The following MAU2 variants were observed in gnomAD, a reference collection of about 807,000 sequenced individuals.
The protein encoded by MAU2 is MAU2 chromatid cohesion factor homolog.
In MAU2, 9 loss-of-function variants were observed where a neutral mutation model predicts 89.1. The ratio of observed to expected loss-of-function variants is 0.10; its 90% CI spans 0.06 to 0.18. The LOEUF is 0.18. Ranked by LOEUF, MAU2 falls within the 10% of genes least tolerant of loss-of-function variation. The pLI is 1.00. For missense variants in MAU2, 425 were observed against 803.5 expected (o/e 0.53, Z 5.69); for synonymous variants, 357 against 343.4 (o/e 1.04, Z -0.44).
rs1039198972 is a variant in MAU2, at chr19:19,320,885, C to T, written c.26C>T (p.Ala9Val). The change falls in exon 1 of 19, where the codon GCC becomes GTC. Residue 9 changes from alanine to valine, a missense_variant. Coordinates refer to ENST00000262815, the MANE Select transcript of MAU2 (RefSeq NM_015329.4). MAAQAAAA[A>V]QAAAAQAAQA... ...ATGGCGGCTCAGGCGGCGGCAGCGG[C>T]CCAGGCGGCGGCGGCCCAGGCTGCG... 7.4e-6 allele frequency: 11 copies of T among 1,483,184 alleles called. No individual in the cohort carries two copies. The highest frequency in any genetic ancestry group is 2.9e-5 in the African/African-American group (2 of 69,960). The allele number at this position is 1,483,184 out of a possible 1,614,324, so 91.9% of individuals were successfully genotyped here. A position where few individuals can be genotyped will look rare whatever the true frequency, so the allele number is the denominator to read the frequency against.
intron 12 of MAU2, among the ~76,000 whole-genome samples, chr19:19,346,564 C>T (rs1413675371): frequency 2.0e-5 from 3 of 152,124 alleles, no homozygotes; most frequent in Non-Finnish European, 2.9e-5. Flanking sequence ...GTGCTTGATT[C>T]GGAAGATCCT....
chr19:19,344,480 TG>T (rs2061678127), intron 10 of MAU2: 2 of 321,578 alleles, frequency 6.2e-6, no homozygotes, highest in South Asian at 9.5e-5. Context: ...ATAGCGCACA[TG>T]GTCTCTGGGG....
At chr19:19,321,826 G>A (rs2061460378) in intron 1 of MAU2, 1 of 151,968 alleles carries the variant, frequency 6.6e-6, no homozygotes, top group Non-Finnish European at 1.5e-5. Context: ...CAGTATTAGG[G>A]GAACTAAAAG....
At chr19:19,347,079 G>A (rs1385261757) in intron 12 of MAU2, 8 of 555,732 alleles carry the variant, frequency 1.4e-5, no homozygotes, top group East Asian at 9.1e-5. Flanking sequence ...TAACTGCCCC[G>A]TAACGCAGAT....
rs1229741506 is a variant in MAU2 at position 19,345,219 on chromosome 19, G to A, written c.1156-85G>A. 24 of 1,234,512 alleles carry A rather than the reference G, an allele frequency of 1.9e-5. No individual in the cohort carries two copies. Among genetic ancestry groups the A allele is most frequent in the African/African-American group, 1.6e-4 (11 of 67,496 alleles). The allele number at this position is 1,234,512 out of a possible 1,614,324, so 76.5% of individuals were successfully genotyped here. ...ATTGTCATACTCCTCCAGGGCAGCC[G>A]TGCAGGCCCCGGGCACACCACGTGT... On this transcript the variant is annotated intron_variant, in intron 11 of 18. Transcript: ENST00000262815. This position sits in a 1 kb window ranked among gnomAD's most constrained non-coding sequence, Gnocchi z 4.9.
chr19:19,354,236 G>A (rs2048151675), intron 16 of MAU2, 119 bp from the exon 17 acceptor site: 1 of 726,046 alleles, frequency 1.4e-6, no homozygotes, highest in East Asian at 2.7e-5. Context: ...CGCAGAAGGA[G>A]GTCACAACCT....
chr19:19,337,054 G>T lies in MAU2; in HGVS notation c.361-116G>T, dbSNP rs1599903995. On this transcript the variant is annotated intron_variant, in intron 3 of 18. Transcript: ENST00000262815. ...ATTGGCAACCCCAAAAAATCCTTTG[G>T]TAAGCATGAACAGGAACTGCCTTCT... The T allele has an allele frequency of 5.0e-5, 36 of 724,448 alleles. No homozygotes were observed. The East Asian group carries it at 9.8e-4, about 20-fold the overall frequency. The allele number at this position is 724,448 out of a possible 1,614,324, so 44.9% of individuals were successfully genotyped here. A position where few individuals can be genotyped will look rare whatever the true frequency, so the allele number is the denominator to read the frequency against.
Position 19,342,436 on chromosome 19 carries a change from G to A in MAU2, c.736-99G>A, listed in dbSNP as rs117214277. 4 of 1,406,394 alleles carry A rather than the reference G, an allele frequency of 2.8e-6. No individual in the cohort carries two copies. The African/African-American group carries it at 4.3e-5, about 15-fold the overall frequency. 87.1% of individuals were successfully genotyped at this position (1,406,394 alleles called of 1,614,324 possible). On this transcript the variant is annotated intron_variant, in intron 7 of 18. Coordinates refer to ENST00000262815, the MANE Select transcript of MAU2 (RefSeq NM_015329.4). ...GAGGTGGCCCTGGCAGAAGGGGAAG[G>A]CAGATGCTCCCTAGAGGAAGGAGCA...
At chr19:19,342,321 C>A (rs950851707) in intron 7 of MAU2, among the ~76,000 whole-genome samples, 1 of 152,208 alleles carries the variant, frequency 6.6e-6, no homozygotes, top group Non-Finnish European at 1.5e-5. Flanking sequence ...GGACAAGCCT[C>A]AGTCCCACAG....
In MAU2 at chr19:19,335,699, T is replaced by C. The variant is rs770001511; in HGVS notation, c.277-19T>C. ...AGGTGTTTGCCTGAGAATTAATCGT[T>C]GTTTTCTTTCTTTTTCAGTGGTTGA... On this transcript the variant is annotated intron_variant, in intron 1 of 18. Transcript: ENST00000262815. 6.6e-5 allele frequency: 106 copies of C among 1,614,010 alleles called. 1 individual carries two copies. Among genetic ancestry groups the C allele is most frequent in the South Asian group, 2.1e-4 (19 of 91,090 alleles).
At chr19:19,321,884 G>A (rs2061460973) in intron 1 of MAU2, 1 of 152,114 alleles carries the variant, frequency 6.6e-6, no homozygotes, top group African/African-American at 2.4e-5. Flanking sequence ...CCATCCATCA[G>A]TCCATCCTCT....
chr19:19,341,846 G>A (rs144773527), intron 7 of MAU2, among the ~76,000 whole-genome samples: 51 of 152,280 alleles, frequency 3.3e-4, no homozygotes, highest in African/African-American at 1.1e-3. Flanking sequence ...TGACCCTGCC[G>A]TGGGTGGGGA....
At chr19:19,347,016 G>A (rs1054365256) in intron 12 of MAU2, 21 of 444,724 alleles carry the variant, frequency 4.7e-5, no homozygotes, top group East Asian at 2.1e-4. Flanking sequence ...ACCAAAACCC[G>A]ACATGTTCTG....
At chr19:19,336,385 A>T (rs1400890823) in intron 3 of MAU2, among the ~76,000 whole-genome samples, 198 bp downstream of exon 3, 1 of 151,890 alleles carries the variant, frequency 6.6e-6, no homozygotes, top group East Asian at 1.9e-4. Flanking sequence ...CCGCAGCCTT[A>T]AACTCCTGAG....
rs746540862 is a variant in MAU2 at position 19,342,594 on chromosome 19, A to G, written c.795A>G (p.Thr265=). The G allele has an allele frequency of 2.3e-5, 37 of 1,612,668 alleles. No homozygotes were observed. The highest frequency in any genetic ancestry group is 3.0e-5 in the Non-Finnish European group (35 of 1,179,358). ...AGCAGTGCATCCAGACCATCTCCAC[A>G]CTGCACGATGATGAGATCCTGCCCA... ...QLQQCIQTIS[T]LHDDEILPSN... The change falls in exon 8 of 19, where the codon ACA becomes ACG. Residue 265 remains threonine (T), a synonymous_variant. Transcript: ENST00000262815.
chr19:19,336,256 G>T, intron 3 of MAU2, 69 bp downstream of exon 3: 1 of 1,175,326 alleles, frequency 8.5e-7, no homozygotes, highest in Non-Finnish European at 1.3e-6. Context: ...CAGCACATTG[G>T]TAAATTGGGG....
intron 1 of MAU2, chr19:19,322,052 C>A (rs2061463339): frequency 6.6e-6 from 1 of 150,764 alleles, no homozygotes; most frequent in Admixed American, 6.6e-5. Flanking sequence ...GGCTGGAGTG[C>A]AGTGGTGCCA....
chr19:19,320,856 C>G lies in MAU2; in HGVS notation c.-4C>G. On this transcript the variant is annotated 5_prime_UTR_variant, in exon 1 of 19. Coordinates refer to ENST00000262815, the MANE Select transcript of MAU2 (RefSeq NM_015329.4). ...GGCGGCGGCTTGTTGTTGTGGAGGC[C>G]AAAATGGCGGCTCAGGCGGCGGCAG... The G allele has an allele frequency of 6.6e-7, 1 of 1,523,568 alleles. No homozygotes were observed. Among genetic ancestry groups the G allele is most frequent in the Non-Finnish European group, 8.7e-7 (1 of 1,144,968 alleles). The allele number at this position is 1,523,568 out of a possible 1,614,324, so 94.4% of individuals were successfully genotyped here. A position where few individuals can be genotyped will look rare whatever the true frequency, so the allele number is the denominator to read the frequency against.
At chr19:19,326,104 G>C (rs1178408166) in intron 1 of MAU2, among the ~76,000 whole-genome samples, 1 of 150,262 alleles carries the variant, frequency 6.7e-6, no homozygotes, top group Non-Finnish European at 1.5e-5. Context: ...GGGTTCAAGC[G>C]ATCCTCCCAC....
Sources: gnomAD v4.1 joint callset for allele counts (sites outside exome capture counted in the v4.1 genomes callset) on GRCh38, gnomAD v4.1.1 for gene constraint, Gnocchi (gnomAD v3.1) non-coding constraint, MANE v1.5 for transcripts, NCBI Gene and HGNC (gene_info 2026-07-23, HGNC 2026-07-21) for gene names.